Variants in RIGI observed in about 807,000 individuals in gnomAD.
The protein encoded by RIGI is RNA sensor RIG-I, also known as antiviral innate immune response receptor RIG-I.
the RIGI span, chr9:32,498,326 G>C: frequency 2.2e-6 from 1 of 456,586 alleles, no homozygotes. Flanking sequence ...CCAGGTGCAT[G>C]CTTCTACTTT....
chr9:32,510,452 G>T, the RIGI span, among the ~76,000 whole-genome samples: 1 of 152,152 alleles, frequency 6.6e-6, no homozygotes, highest in Non-Finnish European at 1.5e-5. Flanking sequence ...TTAAAGACAA[G>T]AATTTTCAAC....
At chr9:32,476,498 C>G in the RIGI span, among the ~76,000 whole-genome samples, 1 of 151,446 alleles carries the variant, frequency 6.6e-6, no homozygotes, top group Non-Finnish European at 1.5e-5. Flanking sequence ...GAGTGAGACC[C>G]CGTCTCTAAG....
chr9:32,507,489 A>G, the RIGI span, among the ~76,000 whole-genome samples: 4 of 152,170 alleles, frequency 2.6e-5, no homozygotes, highest in African/African-American at 9.7e-5. Context: ...CTAATATTTA[A>G]TAAACAAAGA....
chr9:32,506,482 G>C, the RIGI span, among the ~76,000 whole-genome samples: 1 of 152,056 alleles, frequency 6.6e-6, no homozygotes, highest in African/African-American at 2.4e-5. Flanking sequence ...AGTGTCTTTT[G>C]TTTTGGTTAT....
chr9:32,493,111 C>T, the RIGI span, among the ~76,000 whole-genome samples: 1 of 152,252 alleles, frequency 6.6e-6, no homozygotes, highest in East Asian at 1.9e-4. Context: ...GTAACTTGCC[C>T]AAGATCATAC....
the RIGI span, among the ~76,000 whole-genome samples, chr9:32,505,743 A>G: frequency 6.6e-6 from 1 of 152,236 alleles, no homozygotes. Flanking sequence ...ATGTACCTAC[A>G]TCAACTTTTA....
At chr9:32,467,992 A>G in the RIGI span, 2 of 1,442,250 alleles carry the variant, frequency 1.4e-6, no homozygotes, top group African/African-American at 2.8e-5. Context: ...CCCCTTGAAA[A>G]AACAGCTACT....
chr9:32,493,734 CA>C, the RIGI span: 4 of 1,413,558 alleles, frequency 2.8e-6, no homozygotes. Context: ...TTATTTCCCC[CA>C]ATTTTAGTAT....
the RIGI span, among the ~76,000 whole-genome samples, chr9:32,517,891 G>A: frequency 1.4e-4 from 22 of 152,306 alleles, no homozygotes; most frequent in East Asian, 1.3e-3. Flanking sequence ...GTCAAATGCT[G>A]TAAATGAACT....
the RIGI span, chr9:32,481,317 G>C: frequency 3.1e-6 from 5 of 1,606,266 alleles, no homozygotes; most frequent in Non-Finnish European, 4.2e-6. Flanking sequence ...ACCAGAATAC[G>C]ACTCTTAAAA....
chr9:32,464,666 C>T, the RIGI span, among the ~76,000 whole-genome samples: 3 of 152,294 alleles, frequency 2.0e-5, no homozygotes, highest in Admixed American at 6.5e-5. Context: ...CATGAGCCAC[C>T]GCGCCCGGCC....
At chr9:32,482,993 C>T in the RIGI span, among the ~76,000 whole-genome samples, 1 of 152,234 alleles carries the variant, frequency 6.6e-6, no homozygotes. Flanking sequence ...ACACTTATCA[C>T]ACATGCATCT....
chr9:32,496,730 C>T, the RIGI span, among the ~76,000 whole-genome samples: 1 of 152,304 alleles, frequency 6.6e-6, no homozygotes, highest in South Asian at 2.1e-4. Flanking sequence ...TATCCTATTG[C>T]TTTTGTTTCT....
chr9:32,522,902 C>T, the RIGI span, among the ~76,000 whole-genome samples: 1 of 152,130 alleles, frequency 6.6e-6, no homozygotes, highest in African/African-American at 2.4e-5. Flanking sequence ...GATCTTAAAG[C>T]TGAAACTTAT....
the RIGI span, chr9:32,487,439 A>T: frequency 6.2e-7 from 1 of 1,607,822 alleles, no homozygotes; most frequent in Admixed American, 1.7e-5. Flanking sequence ...GAGTAACAGA[A>T]TCTCAAAGGC....
At chr9:32,485,192 C>A in the RIGI span, 1 of 1,603,238 alleles carries the variant, frequency 6.2e-7, no homozygotes, top group Non-Finnish European at 8.5e-7. Flanking sequence ...TTTGCAGATT[C>A]TCTTTGCCAG....
At chr9:32,505,249 T>A in the RIGI span, among the ~76,000 whole-genome samples, 8 of 151,778 alleles carry the variant, frequency 5.3e-5, no homozygotes, top group Non-Finnish European at 1.2e-4. Flanking sequence ...ATGCACATTA[T>A]AAAGTAAAAA....
the RIGI span, among the ~76,000 whole-genome samples, chr9:32,514,052 A>T: frequency 6.6e-6 from 1 of 152,182 alleles, no homozygotes; most frequent in Non-Finnish European, 1.5e-5. Context: ...TTATAATGGC[A>T]ATCATTAAAA....
the RIGI span, among the ~76,000 whole-genome samples, chr9:32,514,674 T>C: frequency 6.6e-6 from 1 of 152,180 alleles, no homozygotes; most frequent in Non-Finnish European, 1.5e-5. Flanking sequence ...TGTATACCTA[T>C]GTAACAAACC....
Sources: allele counts gnomAD v4.1 joint callset (sites outside exome capture counted in the v4.1 genomes callset), GRCh38; gene constraint gnomAD v4.1.1; transcripts MANE v1.5; gene names NCBI Gene and HGNC (gene_info 2026-07-23, HGNC 2026-07-21).